Variants in TCAIM observed in about 807,000 individuals in gnomAD.
TCAIM encodes the protein T cell activation inhibitor, mitochondrial, also known as T-cell activation inhibitor, mitochondrial.
Under a neutral mutation model 58.6 loss-of-function variants are expected in TCAIM, and 36 were observed. That is an observed-to-expected ratio of 0.61 (90% CI 0.47 to 0.81). TCAIM has a LOEUF of 0.81. TCAIM is among the 30% of genes least tolerant of loss of function. The probability of loss-of-function intolerance (pLI) is 0.00; values close to 1 mark genes in which losing one functional copy is unlikely to be tolerated. For missense variants in TCAIM, 466 were observed against 579.6 expected (o/e 0.80, Z 2.01); for synonymous variants, 172 against 193.6 (o/e 0.89, Z 0.93).
At chr3:44,350,855 T>G (rs2125628402) in intron 1 of TCAIM, among the ~76,000 whole-genome samples, 1 of 152,356 alleles carries the variant, frequency 6.6e-6, no homozygotes, top group African/African-American at 2.4e-5. Context: ...TTCTAGTCTT[T>G]TTTTCTTTGC....
intron 5 of TCAIM, among the ~76,000 whole-genome samples, chr3:44,380,250 G>T (rs989305777): frequency 6.6e-6 from 1 of 152,182 alleles, no homozygotes; most frequent in South Asian, 2.1e-4. Context: ...ATCATCAATC[G>T]TGTATTTCAG....
chr3:44,387,336 A>C (rs111264137), intron 5 of TCAIM, among the ~76,000 whole-genome samples: 9 of 152,206 alleles, frequency 5.9e-5, no homozygotes, highest in African/African-American at 2.2e-4. Flanking sequence ...CTTCCTGGAC[A>C]TGGGACAAGA....
At chr3:44,354,604 C>T (rs201109385) in intron 1 of TCAIM, 135 bp from the exon 2 acceptor site, 2 of 535,892 alleles carry the variant, frequency 3.7e-6, no homozygotes, top group South Asian at 3.4e-5. Flanking sequence ...TGTAGTTTTC[C>T]TTATCTAGAT....
At chr3:44,370,577 A>G (rs1477322064) in intron 5 of TCAIM, among the ~76,000 whole-genome samples, 1 of 152,018 alleles carries the variant, frequency 6.6e-6, no homozygotes, top group Non-Finnish European at 1.5e-5. Context: ...AAATTAAAGT[A>G]AACCCATTAT....
intron 1 of TCAIM, chr3:44,340,975 T>C (rs932313719): frequency 6.6e-6 from 1 of 152,218 alleles, no homozygotes; most frequent in African/African-American, 2.4e-5. Context: ...AGTACTCGGT[T>C]TTTCATTCTT....
chr3:44,348,863 GA>G (rs1196141340), intron 1 of TCAIM, among the ~76,000 whole-genome samples: 1 of 152,134 alleles, frequency 6.6e-6, no homozygotes, highest in Non-Finnish European at 1.5e-5. Flanking sequence ...ACTGATTTGG[GA>G]AAGGTCTGAT....
Position 44,409,064 on chromosome 3 carries a change from A to G in TCAIM, c.*1382A>G, listed in dbSNP as rs2125661212. 1 of 152,360 alleles carries G rather than the reference A, an allele frequency of 6.6e-6. No homozygotes were observed. Among genetic ancestry groups the G allele is most frequent in the South Asian group, 2.1e-4 (1 of 4,830 alleles). The allele number at this position is 152,360 out of a possible 1,614,324, so 9.4% of individuals were successfully genotyped here. On this transcript the variant is annotated 3_prime_UTR_variant, in exon 11 of 11. Transcript: ENST00000342649. Reference sequence around the variant, plus strand: ...AGGAATTTTTTCTGAAGAGCATTAGAAAGTAAAAGAGATGTTAAAATAAGT... The same window carrying G: ...AGGAATTTTTTCTGAAGAGCATTAGGAAGTAAAAGAGATGTTAAAATAAGT...
intron 4 of TCAIM, chr3:44,362,373 C>T: frequency 2.5e-6 from 1 of 400,738 alleles, no homozygotes; most frequent in African/African-American, 2.1e-5. Flanking sequence ...AGAGGCCACT[C>T]ACATGGAAGA....
intron 5 of TCAIM, among the ~76,000 whole-genome samples, chr3:44,374,906 T>C (rs1276910567): frequency 6.6e-6 from 1 of 152,250 alleles, no homozygotes; most frequent in Non-Finnish European, 1.5e-5. Flanking sequence ...TTTAACTTTA[T>C]TGTAATTTGG....
intron 5 of TCAIM, among the ~76,000 whole-genome samples, chr3:44,388,840 G>A (rs12633583): frequency 0.14 from 20,600 of 152,140 alleles, 1,444 homozygotes; most frequent in Admixed American, 0.17. Flanking sequence ...CATCTGGACT[G>A]TTCCTGCTCC....
chr3:44,350,279 G>C (rs932790834), intron 1 of TCAIM, among the ~76,000 whole-genome samples: 1 of 152,114 alleles, frequency 6.6e-6, no homozygotes, highest in South Asian at 2.1e-4. Context: ...GAAGTTTCAC[G>C]AGGTAATGTC....
intron 5 of TCAIM, among the ~76,000 whole-genome samples, chr3:44,391,565 A>G (rs1180264067): frequency 6.6e-6 from 1 of 152,196 alleles, no homozygotes; most frequent in Non-Finnish European, 1.5e-5. Context: ...TTTAGAGAAC[A>G]TCTTTCTGCT....
chr3:44,357,810 C>T lies in TCAIM; in HGVS notation c.99C>T (p.Val33=). The change falls in exon 3 of 11, where the codon GTC becomes GTT. Residue 33 remains valine (V), a synonymous_variant. Transcript: ENST00000342649. Reference sequence around the variant, plus strand: ...GAGCTTTATCGGGAGCTGAAGCAGTCAATGCCTTGAGGCCTTTCTATTTTG... The same window carrying T: ...GAGCTTTATCGGGAGCTGAAGCAGTTAATGCCTTGAGGCCTTTCTATTTTG... ...FSRALSGAEA[V]NALRPFYFAV... 1 of 1,614,166 alleles carries T rather than the reference C, an allele frequency of 6.2e-7. No individual in the cohort carries two copies. The highest frequency in any genetic ancestry group is 1.6e-4 in the Middle Eastern group (1 of 6,062).
chr3:44,365,136 A>G (rs1187084109), intron 4 of TCAIM, among the ~76,000 whole-genome samples: 1 of 152,198 alleles, frequency 6.6e-6, no homozygotes, highest in Non-Finnish European at 1.5e-5. Context: ...CCTCCAGTGC[A>G]GCAATTTGGG....
At chr3:44,370,591 G>T (rs1701449326) in intron 5 of TCAIM, among the ~76,000 whole-genome samples, 1 of 151,156 alleles carries the variant, frequency 6.6e-6, no homozygotes, top group Non-Finnish European at 1.5e-5. Context: ...CCATTATTAA[G>T]CAGTTAGAGC....
intron 5 of TCAIM, among the ~76,000 whole-genome samples, chr3:44,372,391 T>C (rs1382765656): frequency 6.6e-6 from 1 of 152,192 alleles, no homozygotes; most frequent in African/African-American, 2.4e-5. Flanking sequence ...CATGGTCATT[T>C]TGGCCATATG....
At chr3:44,389,326 A>G (rs1210525494) in intron 5 of TCAIM, among the ~76,000 whole-genome samples, 4 of 152,188 alleles carry the variant, frequency 2.6e-5, no homozygotes, top group Non-Finnish European at 5.9e-5. Flanking sequence ...CCATGTTGAG[A>G]GTCTTTGTTT....
At chr3:44,347,139 C>T (rs957233717) in intron 1 of TCAIM, among the ~76,000 whole-genome samples, 3 of 151,862 alleles carry the variant, frequency 2.0e-5, no homozygotes, top group Non-Finnish European at 4.4e-5. Flanking sequence ...AGGGAGAGCA[C>T]GTGTGTTTTT....
intron 1 of TCAIM, among the ~76,000 whole-genome samples, chr3:44,346,709 A>G (rs530094773): frequency 6.6e-6 from 1 of 152,202 alleles, no homozygotes; most frequent in Non-Finnish European, 1.5e-5. Flanking sequence ...GAGGGCCTCT[A>G]AAAGTATTAG....
Sources: gnomAD v4.1 joint callset for allele counts (sites outside exome capture counted in the v4.1 genomes callset) on GRCh38, gnomAD v4.1.1 for gene constraint, MANE v1.5 for transcripts, NCBI Gene and HGNC (gene_info 2026-07-23, HGNC 2026-07-21) for gene names.